The following HEATR5A variants were observed in gnomAD, a reference collection of about 807,000 sequenced individuals.
HEATR5A encodes the protein HEAT repeat containing 5A, also known as HEAT repeat-containing protein 5A.
Under a neutral mutation model 218.8 loss-of-function variants are expected in HEATR5A, and 178 were observed. The observed-to-expected ratio is 0.81, with a 90% CI of 0.72 to 0.92. The LOEUF (loss-of-function observed/expected upper bound fraction) is 0.92. Ranked by LOEUF, HEATR5A falls within the 40% of genes least tolerant of loss-of-function variation. HEATR5A has a pLI of 0.00. For synonymous variants in HEATR5A, 864 were observed against 871.6 expected (o/e 0.99, Z 0.15); for missense variants, 2,420 against 2,418.9 (o/e 1.00, Z -0.01).
intron 1 of HEATR5A, among the ~76,000 whole-genome samples, chr14:31,409,492 G>C (rs1225474072): frequency 6.6e-6 from 1 of 152,090 alleles, no homozygotes; most frequent in African/African-American, 2.4e-5. Flanking sequence ...TTGAGCCGAG[G>C]AGTTCATGAC....
chr14:31,335,853 C>T (rs1900632403), intron 22 of HEATR5A, among the ~76,000 whole-genome samples: 1 of 151,992 alleles, frequency 6.6e-6, no homozygotes, highest in South Asian at 2.1e-4. Context: ...CGGGGTTTCG[C>T]TATGTTGGCC....
Position 31,361,820 on chromosome 14 carries a change from G to C in HEATR5A, c.2071+2369C>G, listed in dbSNP as rs141918340. On this transcript the variant is annotated intron_variant, in intron 14 of 35. Transcript: ENST00000543095. ...TAAGACTCTAAATCTACATCTGCTG[G>C]ATAGTCATGAAGAAAAGTTATTTCA... Among the ~76,000 whole-genome samples the C allele has an allele frequency of 1.8e-3, 275 of 152,226 alleles. 3 individuals carry two copies. Among genetic ancestry groups the C allele is most frequent in the African/African-American group, 6.4e-3 (267 of 41,552 alleles).
chr14:31,383,729 A>G lies in HEATR5A; in HGVS notation c.1388T>C (p.Ile463Thr), dbSNP rs2030089951. The change falls in exon 10 of 36, where the codon ATT becomes ACT. Residue 463 changes from isoleucine to threonine, a missense_variant. Physicochemically the swap from Ile to Thr is moderately conservative, Grantham distance 89 (BLOSUM62 -1). Coordinates refer to ENST00000543095, the MANE Select transcript of HEATR5A (RefSeq NM_015473.4). The part of the protein sequence containing the change: ...SILSVILHPS[I>T]SVRLAAAWCL... ...CCAAGCTGCTGCTAGTCGAACAGAA[A>G]TGCTAGGATGAAGAATAACTGACAA... 2.5e-6 allele frequency: 4 copies of G among 1,613,678 alleles called. No homozygotes were observed. The highest frequency in any genetic ancestry group is 2.5e-6 in the Non-Finnish European group (3 of 1,179,684).
At chr14:31,349,669 G>C (rs1192932486) in intron 18 of HEATR5A, 120 bp downstream of exon 18, 7 of 668,274 alleles carry the variant, frequency 1.0e-5, no homozygotes, top group Non-Finnish European at 1.7e-5. Context: ...GTCAACATTT[G>C]ACAATTTTTC....
chr14:31,368,441 T>C (rs915307866), intron 13 of HEATR5A, among the ~76,000 whole-genome samples: 15 of 152,076 alleles, frequency 9.9e-5, no homozygotes, highest in African/African-American at 3.4e-4. Flanking sequence ...TCACTCCAAA[T>C]AGAAAAATCG....
intron 19 of HEATR5A, among the ~76,000 whole-genome samples, chr14:31,345,960 T>C (rs1348880445): frequency 6.6e-6 from 1 of 152,216 alleles, no homozygotes; most frequent in African/African-American, 2.4e-5. Context: ...ACTGGTCATA[T>C]ACTGATAACC....
chr14:31,302,254 T>G (rs200649297), intron 33 of HEATR5A, 41 bp downstream of exon 33: 12 of 1,440,420 alleles, frequency 8.3e-6, no homozygotes, highest in Non-Finnish European at 1.1e-5. Context: ...TCTTCTCACT[T>G]TTTAAGACAA....
chr14:31,306,327 G>A lies in HEATR5A; in HGVS notation c.4966+405C>T, dbSNP rs180746127. Among the ~76,000 whole-genome samples the A allele has an allele frequency of 2.1e-3, 324 of 152,074 alleles. 11 individuals carry two copies. Among genetic ancestry groups the A allele is most frequent in the Admixed American group, 0.021 (321 of 15,256 alleles). ...ACATCCCGTCTCTAATAAAAAATAC[G>A]AAAAAATTAGCCAGGCATGGTGGCA... is the stretch of plus-strand genomic sequence containing the variant. On this transcript the variant is annotated intron_variant, in intron 31 of 35. Coordinates refer to ENST00000543095, the MANE Select transcript of HEATR5A (RefSeq NM_015473.4).
intron 8 of HEATR5A, among the ~76,000 whole-genome samples, chr14:31,386,799 T>C (rs901971206): frequency 3.9e-5 from 6 of 152,180 alleles, no homozygotes; most frequent in Non-Finnish European, 7.4e-5. Flanking sequence ...CAGAGACCCC[T>C]TATTACTCCC....
chr14:31,327,328 C>T, intron 22 of HEATR5A, among the ~76,000 whole-genome samples: 1 of 111,680 alleles, frequency 9.0e-6, no homozygotes, highest in Admixed American at 1.3e-4. Context: ...GAGTCTTGCT[C>T]TGTTGCCCAG....
chr14:31,413,589 C>A (rs1299537167), intron 1 of HEATR5A, among the ~76,000 whole-genome samples: 2 of 152,002 alleles, frequency 1.3e-5, no homozygotes, highest in African/African-American at 4.8e-5. Context: ...GGGGATAAGA[C>A]TGAGCAGTAG....
Position 31,374,820 on chromosome 14 carries a change from C to G in HEATR5A, c.1857G>C (p.Leu619=), listed in dbSNP as rs766819120. Residue 619 remains leucine, a synonymous_variant, in exon 12 of 36, where the codon CTG becomes CTC. Coordinates refer to ENST00000543095, the MANE Select transcript of HEATR5A (RefSeq NM_015473.4). ...QVTLEGRAGA[L]CAIKSFVSHC... is the part of the protein sequence containing the mutation. ...AAAAGACTAAATCCAACCTACCACACAGTGCACCAGCTCGTCCTTCCAGGG... is the reference window on the plus strand; with the variant it reads ...AAAAGACTAAATCCAACCTACCACAGAGTGCACCAGCTCGTCCTTCCAGGG... 5 of 1,611,682 alleles carry G rather than the reference C, an allele frequency of 3.1e-6. No homozygotes were observed. Among genetic ancestry groups the G allele is most frequent in the Admixed American group, 3.4e-5 (2 of 59,558 alleles).
chr14:31,368,877 C>T lies in HEATR5A; in HGVS notation c.1961+2933G>A, dbSNP rs148501366. On this transcript the variant is annotated intron_variant, in intron 13 of 35. Transcript: ENST00000543095. ...GCCCCAGCCAGGAAGAATTTTTAAA[C>T]AAAAAGAAAAAAAGTACTAACCAAA... 3.4e-3 allele frequency among the ~76,000 whole-genome samples: 515 copies of T among 150,956 alleles called. 3 individuals carry two copies. The highest frequency in any genetic ancestry group is 3.2e-3 in the Non-Finnish European group (215 of 67,660).
chr14:31,349,161 G>A (rs138708080), intron 18 of HEATR5A, among the ~76,000 whole-genome samples: 5,468 of 152,106 alleles, frequency 0.036, 276 homozygotes, highest in African/African-American at 0.11. Context: ...AGGCTGAGGC[G>A]GGCGGAACAC....
chr14:31,302,198 A>C, intron 33 of HEATR5A, 97 bp downstream of exon 33: 880 of 750,644 alleles, frequency 1.2e-3, no homozygotes, highest in Non-Finnish European at 1.7e-3. Context: ...TCTAGGTGAT[A>C]TGGCCAAATA....
intron 6 of HEATR5A, among the ~76,000 whole-genome samples, chr14:31,391,409 G>A (rs936752115): frequency 3.3e-5 from 5 of 152,032 alleles, no homozygotes; most frequent in Non-Finnish European, 7.4e-5. Context: ...AAAGTGCTGG[G>A]ATTACAAGCA....
chr14:31,363,524 C>G (rs900891719), intron 14 of HEATR5A, among the ~76,000 whole-genome samples: 1 of 152,136 alleles, frequency 6.6e-6, no homozygotes, highest in African/African-American at 2.4e-5. Flanking sequence ...CCTGATTCCA[C>G]TCTTTATCTG....
At chr14:31,345,040 T>G (rs762103310) in intron 20 of HEATR5A, 47 bp downstream of exon 20, 29 of 1,482,788 alleles carry the variant, frequency 2.0e-5, no homozygotes, top group Non-Finnish European at 2.7e-5. Flanking sequence ...TTCACTTTTA[T>G]GTGTATTATT....
intron 4 of HEATR5A, 122 bp downstream of exon 4, chr14:31,398,551 G>T (rs2030747158): frequency 1.8e-6 from 1 of 555,624 alleles, no homozygotes; most frequent in Non-Finnish European, 3.1e-6. Context: ...TTAATTTATG[G>T]GTACATTTAT....
Sources: gnomAD v4.1 joint callset for allele counts (sites outside exome capture counted in the v4.1 genomes callset) on GRCh38, gnomAD v4.1.1 for gene constraint, MANE v1.5 for transcripts, NCBI Gene and HGNC (gene_info 2026-07-23, HGNC 2026-07-21) for gene names.